VAV3: variants seen among roughly 807,000 people sequenced by gnomAD.
VAV3 encodes vav guanine nucleotide exchange factor 3.
VAV3 carries 94 observed loss-of-function variants against 131.2 expected under a neutral mutation model. The ratio of observed to expected loss-of-function variants is 0.72; its 90% CI spans 0.61 to 0.85. VAV3 has a LOEUF of 0.85. Among genes scored for constraint, VAV3 ranks in the 40% least tolerant of loss-of-function variants. The pLI, the probability that VAV3 is intolerant of heterozygous loss-of-function variation, is 0.00. For synonymous variants in VAV3, 349 were observed against 342.0 expected (o/e 1.02, Z -0.22); for missense variants, 939 against 1,002.7 (o/e 0.94, Z 0.86).
intron 1 of VAV3, among the ~76,000 whole-genome samples, chr1:107,884,613 T>C (rs1670943894): frequency 6.6e-6 from 1 of 151,400 alleles, no homozygotes; most frequent in South Asian, 2.1e-4. Context: ...GCCTCACAAA[T>C]TTATTTTTTA....
At chr1:107,827,976 A>G (rs910653596) in intron 2 of VAV3, among the ~76,000 whole-genome samples, 2 of 152,166 alleles carry the variant, frequency 1.3e-5, no homozygotes, top group African/African-American at 4.8e-5. Context: ...CCCACAGATG[A>G]TCTGGGACAT....
At chr1:107,644,551 G>A (rs768476238) in intron 19 of VAV3, among the ~76,000 whole-genome samples, 23 of 152,028 alleles carry the variant, frequency 1.5e-4, no homozygotes, top group Non-Finnish European at 2.6e-4. Context: ...TCTGAGCCGT[G>A]GACTTCACTG....
chr1:107,619,206 G>A (rs1430570330), intron 20 of VAV3, among the ~76,000 whole-genome samples: 1 of 152,198 alleles, frequency 6.6e-6, no homozygotes, highest in Non-Finnish European at 1.5e-5. Context: ...ATGACTTAGA[G>A]AGGAATCTGA....
chr1:107,809,069 T>A (rs2102325320), intron 2 of VAV3, among the ~76,000 whole-genome samples: 1 of 152,332 alleles, frequency 6.6e-6, no homozygotes, highest in African/African-American at 2.4e-5. Context: ...TATTATATTA[T>A]CAGATCATGC....
At chr1:107,754,116 G>A (rs189302704) in intron 12 of VAV3, among the ~76,000 whole-genome samples, 13 of 152,242 alleles carry the variant, frequency 8.5e-5, no homozygotes, top group Admixed American at 5.2e-4. Flanking sequence ...TAAAGTTTAC[G>A]GGCAGTTATT....
chr1:107,608,476 G>T (rs1374841542), intron 22 of VAV3, among the ~76,000 whole-genome samples: 1 of 152,116 alleles, frequency 6.6e-6, no homozygotes. Context: ...TTTCTTTCAG[G>T]ACTATAGTTT....
intron 2 of VAV3, among the ~76,000 whole-genome samples, chr1:107,790,380 A>G (rs1007583139): frequency 6.6e-6 from 1 of 152,214 alleles, no homozygotes; most frequent in Non-Finnish European, 1.5e-5. Context: ...AAAACTGGAC[A>G]AGACCTTGCC....
At chr1:107,587,048 T>C (rs1650556711) in intron 25 of VAV3, among the ~76,000 whole-genome samples, 1 of 152,166 alleles carries the variant, frequency 6.6e-6, no homozygotes, top group African/African-American at 2.4e-5. Flanking sequence ...CTAATGGGGA[T>C]GGTAAGTTTG....
At chr1:107,896,966 C>T (rs1486737080) in intron 1 of VAV3, among the ~76,000 whole-genome samples, 1 of 152,072 alleles carries the variant, frequency 6.6e-6, no homozygotes, top group Non-Finnish European at 1.5e-5. Flanking sequence ...GTACAAGACA[C>T]TGCACAGCAC....
chr1:107,899,483 T>C (rs1671758544), intron 1 of VAV3, among the ~76,000 whole-genome samples: 1 of 152,164 alleles, frequency 6.6e-6, no homozygotes, highest in African/African-American at 2.4e-5. Context: ...TATAATGGGA[T>C]GCATTGTGAA....
intron 22 of VAV3, among the ~76,000 whole-genome samples, chr1:107,606,997 C>A (rs145500872): frequency 6.6e-6 from 1 of 150,684 alleles, no homozygotes; most frequent in Admixed American, 6.6e-5. Flanking sequence ...CACTGTCACC[C>A]GGGCTGGTGT....
intron 2 of VAV3, among the ~76,000 whole-genome samples, chr1:107,844,782 T>C (rs948218298): frequency 6.6e-6 from 1 of 152,164 alleles, no homozygotes; most frequent in African/African-American, 2.4e-5. Context: ...GGGCATCCTC[T>C]GAAAGAAAGG....
intron 24 of VAV3, among the ~76,000 whole-genome samples, chr1:107,602,144 G>A (rs918778926): frequency 6.6e-6 from 1 of 152,066 alleles, no homozygotes; most frequent in African/African-American, 2.4e-5. Flanking sequence ...AAAATCTGCT[G>A]TATCATTTAA....
intron 2 of VAV3, among the ~76,000 whole-genome samples, chr1:107,872,467 G>A (rs575851591): frequency 2.2e-4 from 34 of 152,136 alleles, no homozygotes; most frequent in African/African-American, 5.8e-4. Flanking sequence ...TAAATCCTAC[G>A]GAATGGAGGA....
At chr1:107,814,760 T>C (rs1309518839) in intron 2 of VAV3, among the ~76,000 whole-genome samples, 2 of 152,168 alleles carry the variant, frequency 1.3e-5, no homozygotes, top group Non-Finnish European at 2.9e-5. Context: ...TGCAGAGGTA[T>C]GATGAAAACA....
At chr1:107,841,844 A>C (rs1248728446) in intron 2 of VAV3, among the ~76,000 whole-genome samples, 1 of 151,736 alleles carries the variant, frequency 6.6e-6, no homozygotes, top group Non-Finnish European at 1.5e-5. Flanking sequence ...AAAATATCTC[A>C]TTATACTTTG....
intron 20 of VAV3, among the ~76,000 whole-genome samples, chr1:107,637,714 C>A (rs530084164): frequency 1.3e-5 from 2 of 152,292 alleles, no homozygotes; most frequent in East Asian, 1.9e-4. Context: ...AATTCTACGA[C>A]ACACTTCAGG....
chr1:107,952,776 T>C (rs1463482582), intron 1 of VAV3, among the ~76,000 whole-genome samples: 1 of 152,004 alleles, frequency 6.6e-6, no homozygotes, highest in African/African-American at 2.4e-5. Flanking sequence ...TCATTCACAT[T>C]TGAATACCCA....
chr1:107,849,264 T>C (rs1164177124), intron 2 of VAV3, among the ~76,000 whole-genome samples: 4 of 148,382 alleles, frequency 2.7e-5, no homozygotes, highest in Non-Finnish European at 5.9e-5. Context: ...AAAGTCTGCA[T>C]AGCCAAGACA....
Sources: gnomAD v4.1 joint callset for allele counts (sites outside exome capture counted in the v4.1 genomes callset) on GRCh38, gnomAD v4.1.1 for gene constraint, MANE v1.5 for transcripts, NCBI Gene and HGNC (gene_info 2026-07-23, HGNC 2026-07-21) for gene names.